Variants in NFAM1 observed in about 807,000 individuals in gnomAD.
NFAM1 encodes the protein NFAT activation molecule 1.
A neutral mutation model predicts 29.0 loss-of-function variants in NFAM1; 17 were observed. The ratio of observed to expected loss-of-function variants is 0.59; its 90% CI spans 0.40 to 0.88. The LOEUF is 0.88. Among genes scored for constraint, NFAM1 ranks in the 40% least tolerant of loss-of-function variants. NFAM1 has a pLI of 0.00. For synonymous variants in NFAM1, 175 were observed against 147.2 expected, an observed-to-expected ratio of 1.19 and a Z score of -1.36; for missense variants, 324 against 344.6, an observed-to-expected ratio of 0.94 and a Z score of 0.47.
chr22:42,410,956 T>C (rs1485425491), intron 2 of NFAM1, among the ~76,000 whole-genome samples: 1 of 151,358 alleles, frequency 6.6e-6, no homozygotes, highest in Non-Finnish European at 1.5e-5. Flanking sequence ...CTCCCTGAAG[T>C]GGGTCTGCCT....
Position 42,409,696 on chromosome 22 carries a change from G to T in NFAM1, c.452-149C>A, listed in dbSNP as rs910295300. On this transcript the variant is annotated intron_variant, in intron 2 of 5. Transcript: ENST00000329021. The surrounding 1 kb of genome is among the most constrained non-coding windows in gnomAD (Gnocchi z 4.9). ...CCCACTAGGCCCCCTGGGAGCCAGG[G>T]TTCGGGCCTTCATTGTCCCCTCACT... The T allele has an allele frequency of 9.6e-6, 4 of 414,752 alleles. No homozygotes were observed. Among genetic ancestry groups the T allele is most frequent in the Non-Finnish European group, 1.7e-5 (4 of 232,222 alleles). The allele number at this position is 414,752 out of a possible 1,614,324, so 25.7% of individuals were successfully genotyped here. A position where few individuals can be genotyped will look rare whatever the true frequency, so the allele number is the denominator to read the frequency against.
chr22:42,430,065 C>T (rs1293410034), intron 1 of NFAM1, among the ~76,000 whole-genome samples: 1 of 151,638 alleles, frequency 6.6e-6, no homozygotes, highest in Non-Finnish European at 1.5e-5. Flanking sequence ...GAGTTCGAGA[C>T]CAGCCTGGGC....
chr22:42,407,995 C>T (rs889702626), intron 3 of NFAM1, among the ~76,000 whole-genome samples: 1 of 150,488 alleles, frequency 6.6e-6, no homozygotes, highest in African/African-American at 2.5e-5. Flanking sequence ...CTCCGCCTCG[C>T]AGGTTCAAGC....
chr22:42,432,367 TG>T lies in NFAM1; in HGVS notation c.-11del, dbSNP rs747871492. On this transcript the variant is annotated 5_prime_UTR_variant, in exon 1 of 6. Transcript: ENST00000329021. ...CAGGCTGGTTCTCCATCTGGGGGCC[TG>T]CTTGTCTGCGGCGACTCTTTAGTTC... The T allele has an allele frequency of 1.3e-6, 2 of 1,559,832 alleles. No individual in the cohort carries two copies. The highest frequency in any genetic ancestry group is 2.4e-5 in the South Asian group (2 of 84,150).
At position 42,384,915 on chromosome 22, in the gene NFAM1, G is replaced by T; in HGVS notation, c.*246C>A. 2 of 604,922 alleles carry T rather than the reference G, an allele frequency of 3.3e-6. No homozygotes were observed. Among genetic ancestry groups the T allele is most frequent in the East Asian group, 5.5e-5 (2 of 36,178 alleles). The allele number at this position is 604,922 out of a possible 1,614,324, so 37.5% of individuals were successfully genotyped here. A position where few individuals can be genotyped will look rare whatever the true frequency, so the allele number is the denominator to read the frequency against. On this transcript the variant is annotated 3_prime_UTR_variant, in exon 6 of 6. Coordinates refer to ENST00000329021, the MANE Select transcript of NFAM1 (RefSeq NM_145912.8). ...GGGCGCTTTGCTGGTTGGGCCAAGG[G>T]AGGAAGGGCCTGCCTGGCAGAAGGA...
intron 1 of NFAM1, among the ~76,000 whole-genome samples, chr22:42,422,969 T>C (rs898059500): frequency 2.0e-5 from 3 of 151,856 alleles, no homozygotes; most frequent in African/African-American, 7.3e-5. Context: ...AAACATTAGC[T>C]GTGCGTGGTG....
At chr22:42,401,511 C>T (rs1053882143) in intron 3 of NFAM1, among the ~76,000 whole-genome samples, 2 of 151,158 alleles carry the variant, frequency 1.3e-5, no homozygotes, top group African/African-American at 4.9e-5. Flanking sequence ...GAGAGGCCTC[C>T]TGGGGGTGCT....
intron 1 of NFAM1, among the ~76,000 whole-genome samples, chr22:42,421,322 G>T (rs189545236): frequency 6.6e-6 from 1 of 151,920 alleles, no homozygotes; most frequent in Non-Finnish European, 1.5e-5. Context: ...GTGGTGGGGT[G>T]GTGGGCACCT....
intron 3 of NFAM1, among the ~76,000 whole-genome samples, chr22:42,401,893 C>A (rs900129119): frequency 6.6e-6 from 1 of 152,212 alleles, no homozygotes; most frequent in Non-Finnish European, 1.5e-5. Flanking sequence ...TGTGGCCTTG[C>A]CCACCTCACA....
chr22:42,394,274 G>A lies in NFAM1; in HGVS notation c.663+3584C>T, dbSNP rs569850249. On this transcript the variant is annotated intron_variant, in intron 4 of 5. Transcript: ENST00000329021. ...GCTGGTCTCAAACTCCCCACCTCAG[G>A]TGATCCACCAGCCTCTGCCTCCCAA... Among the ~76,000 whole-genome samples, 4 of 152,218 alleles carry A rather than the reference G, an allele frequency of 2.6e-5. No individual in the cohort carries two copies. The East Asian group carries it at 5.8e-4, about 22-fold the overall frequency.
chr22:42,398,382 T>TTTATTATTATTATTATTA (rs202112713), intron 3 of NFAM1, among the ~76,000 whole-genome samples: 26 of 125,428 alleles, frequency 2.1e-4, no homozygotes, highest in South Asian at 2.7e-4. Flanking sequence ...CTTGGTTTTA[T>TTTATTATTATTATTATTA]TTATTATTAT....
intron 3 of NFAM1, among the ~76,000 whole-genome samples, chr22:42,400,921 G>A (rs1433413132): frequency 6.6e-6 from 1 of 152,218 alleles, no homozygotes; most frequent in Non-Finnish European, 1.5e-5. Context: ...AGGCTGACCT[G>A]GGCTCAGCTC....
intron 4 of NFAM1, among the ~76,000 whole-genome samples, chr22:42,397,051 G>T (rs1443144453): frequency 6.7e-6 from 1 of 150,224 alleles, no homozygotes; most frequent in Non-Finnish European, 1.5e-5. Context: ...CTCACGAGAT[G>T]GGGACCCCAG....
At chr22:42,412,064 TC>T (rs1930113236) in intron 1 of NFAM1, among the ~76,000 whole-genome samples, 1 of 152,178 alleles carries the variant, frequency 6.6e-6, no homozygotes, top group South Asian at 2.1e-4. Context: ...AAAACCTGTC[TC>T]TATTAAAAAT....
chr22:42,399,513 G>A (rs573419273), intron 3 of NFAM1, among the ~76,000 whole-genome samples: 1 of 152,050 alleles, frequency 6.6e-6, no homozygotes, highest in African/African-American at 2.4e-5. Context: ...TGTGGCCCGA[G>A]AGAGGAGCCT....
chr22:42,417,262 C>A (rs1423328790), intron 1 of NFAM1, among the ~76,000 whole-genome samples: 1 of 152,214 alleles, frequency 6.6e-6, no homozygotes, highest in African/African-American at 2.4e-5. Context: ...AACTGGGACG[C>A]ATTTGTGACT....
chr22:42,399,464 G>A (rs1198893744), intron 3 of NFAM1, among the ~76,000 whole-genome samples: 148 of 97,646 alleles, frequency 1.5e-3, no homozygotes, highest in East Asian at 3.4e-3. Context: ...AAAAAAAAAA[G>A]AAAGAAAGAA....
At chr22:42,406,829 C>T (rs1234437256) in intron 3 of NFAM1, among the ~76,000 whole-genome samples, 1 of 152,070 alleles carries the variant, frequency 6.6e-6, no homozygotes, top group Non-Finnish European at 1.5e-5. Flanking sequence ...GGCTGGAGTG[C>T]AGTGGTGCCA....
chr22:42,385,917 A>G (rs932963144), intron 5 of NFAM1, among the ~76,000 whole-genome samples: 1 of 152,194 alleles, frequency 6.6e-6, no homozygotes, highest in African/African-American at 2.4e-5. Flanking sequence ...ATGTTCCAAG[A>G]GGCCTGTGGG....
Sources: allele counts gnomAD v4.1 joint callset (sites outside exome capture counted in the v4.1 genomes callset), GRCh38; gene constraint gnomAD v4.1.1; non-coding constraint Gnocchi (gnomAD v3.1); transcripts MANE v1.5; gene names NCBI Gene and HGNC (gene_info 2026-07-23, HGNC 2026-07-21).